The following CIT variants were observed in gnomAD, a reference collection of about 807,000 sequenced individuals.
CIT encodes the protein citron Rho-interacting kinase.
Under a neutral mutation model 272.7 loss-of-function variants are expected in CIT, and 79 were observed. The ratio of observed to expected loss-of-function variants is 0.29; its 90% CI spans 0.24 to 0.35. CIT has a LOEUF of 0.35. CIT is among the 10% of genes least tolerant of loss of function. The pLI, the probability that CIT is intolerant of heterozygous loss-of-function variation, is 1.00. For missense variants in CIT, 1,909 were observed against 2,618.3 expected (o/e 0.73, Z 5.91); for synonymous variants, 948 against 995.6 (o/e 0.95, Z 0.90).
At chr12:119,735,649 GA>G (rs1958711305) in intron 24 of CIT, among the ~76,000 whole-genome samples, 1 of 152,176 alleles carries the variant, frequency 6.6e-6, no homozygotes, top group Non-Finnish European at 1.5e-5. Flanking sequence ...GACTTCGAAT[GA>G]GATCAAATTG....
At position 119,854,236 on chromosome 12, in the gene CIT, C is replaced by A. The variant is rs1022658318; in HGVS notation, c.414+3287G>T. On this transcript the variant is annotated intron_variant, in intron 4 of 47. Transcript: ENST00000392521. The stretch of plus-strand genomic sequence containing the variant: ...AGAGACAGGGTTTCTCCATGTTGGT[C>A]AGGCTGGTCTCAAACTCCCGACCTC... Among the ~76,000 whole-genome samples the A allele has an allele frequency of 5.9e-5, 9 of 151,616 alleles. 1 individual carries two copies. The highest frequency in any genetic ancestry group is 5.9e-4 in the Admixed American group (9 of 15,248).
chr12:119,700,944 A>T, intron 43 of CIT, 119 bp from the exon 44 acceptor site: 1 of 699,274 alleles, frequency 1.4e-6, no homozygotes, highest in African/African-American at 1.8e-5. Flanking sequence ...GATGGGACTG[A>T]CTGTGAAAAC....
intron 5 of CIT, among the ~76,000 whole-genome samples, chr12:119,836,790 T>A (rs779610173): frequency 1.3e-5 from 2 of 152,166 alleles, no homozygotes; most frequent in Non-Finnish European, 2.9e-5. Context: ...ACTGACAAAC[T>A]GAACACAACT....
intron 10 of CIT, among the ~76,000 whole-genome samples, chr12:119,793,602 C>T (rs546148471): frequency 2.6e-5 from 4 of 152,366 alleles, no homozygotes; most frequent in Non-Finnish European, 4.4e-5. Flanking sequence ...TCCTTAAGTA[C>T]CCCCTACCCA....
chr12:119,805,656 T>C (rs11064913), intron 9 of CIT, among the ~76,000 whole-genome samples: 3,153 of 152,338 alleles, frequency 0.021, 83 homozygotes, highest in East Asian at 0.13. Flanking sequence ...GAGACCAAAA[T>C]AGAATTCCAT....
rs139629103 is a variant in CIT, at chr12:119,744,494, G to A, written c.2905-2030C>T. 2.8e-3 allele frequency among the ~76,000 whole-genome samples: 418 copies of A among 151,714 alleles called. 7 individuals carry two copies. The highest frequency in any genetic ancestry group is 6.8e-3 in the Middle Eastern group (2 of 292). ...TCCCAGCACTTTGGGAAGCCGAGGC[G>A]GGCAGATCATGAGGTGAGGAGATTA... On this transcript the variant is annotated intron_variant, in intron 23 of 47. Coordinates refer to ENST00000392521, the MANE Select transcript of CIT (RefSeq NM_001206999.2).
Position 119,710,878 on chromosome 12 carries a change from G to T in CIT, c.4855-258C>A. Reference sequence around the variant, plus strand: ...TGGCTGGGATGCAGAAATAAGGGAGGGTAGTAGACATGGAAAGCTATTCTG... The same window carrying T: ...TGGCTGGGATGCAGAAATAAGGGAGTGTAGTAGACATGGAAAGCTATTCTG... On this transcript the variant is annotated intron_variant, in intron 37 of 47. Transcript: ENST00000392521. The surrounding 1 kb of genome is among the most constrained non-coding windows in gnomAD (Gnocchi z 5.6). 1 of 620,108 alleles carries T rather than the reference G, an allele frequency of 1.6e-6. No individual in the cohort carries two copies. The highest frequency in any genetic ancestry group is 2.7e-6 in the Non-Finnish European group (1 of 373,054). 38.4% of individuals were successfully genotyped at this position (620,108 alleles called of 1,614,324 possible). A position where few individuals can be genotyped will look rare whatever the true frequency, so the allele number is the denominator to read the frequency against.
intron 3 of CIT, among the ~76,000 whole-genome samples, chr12:119,864,782 T>C (rs1950468873): frequency 6.6e-6 from 1 of 152,220 alleles, no homozygotes; most frequent in Admixed American, 6.5e-5. Flanking sequence ...AGACACTATT[T>C]TGGGCACTGG....
At chr12:119,845,422 G>A (rs1969723284) in intron 5 of CIT, among the ~76,000 whole-genome samples, 1 of 152,130 alleles carries the variant, frequency 6.6e-6, no homozygotes, top group Non-Finnish European at 1.5e-5. Flanking sequence ...GGAGGCTGAG[G>A]CAGGCGGATC....
chr12:119,719,307 G>T (rs1382271866), intron 30 of CIT, among the ~76,000 whole-genome samples: 1 of 151,262 alleles, frequency 6.6e-6, no homozygotes, highest in African/African-American at 2.4e-5. Flanking sequence ...ATTTTAAAAG[G>T]AATGCTAAAA....
chr12:119,836,563 A>C (rs536933514), intron 5 of CIT, among the ~76,000 whole-genome samples: 1 of 152,330 alleles, frequency 6.6e-6, no homozygotes, highest in African/African-American at 2.4e-5. Flanking sequence ...ATATCCAAAA[A>C]AAGAAAAAGG....
chr12:119,815,798 T>A (rs1289035694), intron 9 of CIT, among the ~76,000 whole-genome samples: 1 of 152,130 alleles, frequency 6.6e-6, no homozygotes, highest in Non-Finnish European at 1.5e-5. Flanking sequence ...CATAGAATAT[T>A]CTGGAAAGTT....
Position 119,850,116 on chromosome 12 carries a change from A to C in CIT, c.516+58T>G. 2.9e-6 allele frequency: 3 copies of C among 1,036,038 alleles called. No individual in the cohort carries two copies. In the Admixed American group the frequency reaches 5.2e-5, roughly 18 times the overall value. 64.2% of individuals were successfully genotyped at this position (1,036,038 alleles called of 1,614,324 possible). On this transcript the variant is annotated intron_variant, in intron 5 of 47. Coordinates refer to ENST00000392521, the MANE Select transcript of CIT (RefSeq NM_001206999.2). ...CAAGAACAACATTCAGTTCTACCAC[A>C]GGCATCTGAGTGTCAGAGTGCTAGG...
At position 119,712,689 on chromosome 12, in the gene CIT, T is replaced by C. The variant is rs1385050253; in HGVS notation, c.4586A>G (p.Gln1529Arg). The C allele has an allele frequency of 6.2e-7, 1 of 1,613,954 alleles. No individual in the cohort carries two copies. The highest frequency in any genetic ancestry group is 8.5e-7 in the Non-Finnish European group (1 of 1,179,886). ...CAGCTCAAATTCTTCCACCGGCCTC[T>C]GTCCAGCTTGGTGCAAAGAGGAAGG... ...IYDNEAREAG[Q>R]RPVEEFELCL... Residue 1529 changes from glutamine (Q) to arginine (R), a missense_variant, in exon 36 of 48, where the codon CAG (glutamine) becomes CGG (arginine). This residue lies in a region of CIT where 780 missense variants were observed against 1,067.2 expected (regional missense o/e 0.73). Transcript: ENST00000392521. This position sits in a 1 kb window ranked among gnomAD's most constrained non-coding sequence, Gnocchi z 5.2.
At chr12:119,790,337 T>C (rs1018204632) in intron 10 of CIT, among the ~76,000 whole-genome samples, 2 of 152,156 alleles carry the variant, frequency 1.3e-5, no homozygotes, top group African/African-American at 4.8e-5. Context: ...GCTGATACTA[T>C]CACTGCTTTA....
Position 119,718,397 on chromosome 12 carries a change from T to G in CIT, c.4016A>C (p.Lys1339Thr), listed in dbSNP as rs1957650064. 4.3e-6 allele frequency: 7 copies of G among 1,612,430 alleles called. No homozygotes were observed. The highest frequency in any genetic ancestry group is 5.9e-6 in the Non-Finnish European group (7 of 1,179,342). Reference protein sequence around the residue: ...RSAREEAAHRKATDHPHPSTP... With the variant: ...RSAREEAAHRTATDHPHPSTP... ...GGATGGGTGTGGGTGGTCCGTTGCT[T>G]TGCGGTGGGCAGCTGCAGAGAGACC... is the stretch of plus-strand genomic sequence containing the variant. Residue 1339 changes from lysine to threonine, a missense_variant, in exon 32 of 48, where the codon AAA (lysine) becomes ACA (threonine). This residue lies in a region of CIT where 780 missense variants were observed against 1,067.2 expected (regional missense o/e 0.73). Coordinates refer to ENST00000392521, the MANE Select transcript of CIT (RefSeq NM_001206999.2). This position sits in a 1 kb window ranked among gnomAD's most constrained non-coding sequence, Gnocchi z 4.8.
intron 9 of CIT, among the ~76,000 whole-genome samples, chr12:119,807,890 T>TA (rs59380143): frequency 0.035 from 5,017 of 143,850 alleles, 243 homozygotes; most frequent in African/African-American, 0.11. Flanking sequence ...GAAAAGCCAC[T>TA]AAAAAAAAAA....
intron 47 of CIT, among the ~76,000 whole-genome samples, chr12:119,689,747 G>C (rs1228029675): frequency 7.5e-6 from 1 of 134,046 alleles, no homozygotes; most frequent in Non-Finnish European, 1.5e-5. Flanking sequence ...GCGCGATCTC[G>C]GCTCACTGCA....
At position 119,690,259 on chromosome 12, in the gene CIT, C is replaced by G; in HGVS notation, c.6078G>C (p.Arg2026=). 6.4e-6 allele frequency: 10 copies of G among 1,569,616 alleles called. No individual in the cohort carries two copies. The highest frequency in any genetic ancestry group is 8.6e-6 in the Non-Finnish European group (10 of 1,168,354). The part of the protein sequence containing the change: ...RPLEREKSPG[R]MLSTRRERSP... ...ACCGCTCTCTCCGCGTGCTGAGCATCCGGCCGGGGGACTTCTCTCGCTCCA... is the reference window on the plus strand; with the variant it reads ...ACCGCTCTCTCCGCGTGCTGAGCATGCGGCCGGGGGACTTCTCTCGCTCCA... The change falls in exon 47 of 48, where the codon CGG becomes CGC. Residue 2026 remains arginine, a synonymous_variant. Coordinates refer to ENST00000392521, the MANE Select transcript of CIT (RefSeq NM_001206999.2). This position sits in a 1 kb window ranked among gnomAD's most constrained non-coding sequence, Gnocchi z 6.0.
Sources: gnomAD v4.1 joint callset for allele counts (sites outside exome capture counted in the v4.1 genomes callset) on GRCh38, gnomAD v4.1.1 for gene constraint, gnomAD v4.1.1 regional missense constraint, Gnocchi (gnomAD v3.1) non-coding constraint, MANE v1.5 for transcripts, NCBI Gene and HGNC (gene_info 2026-07-23, HGNC 2026-07-21) for gene names.